ATF7IP: variants seen among roughly 807,000 people sequenced by gnomAD.
The protein encoded by ATF7IP is activating transcription factor 7 interacting protein.
Under a neutral mutation model 106.4 loss-of-function variants are expected in ATF7IP, and 23 were observed. That is an observed-to-expected ratio of 0.22 (90% CI 0.16 to 0.31). ATF7IP has a LOEUF of 0.31. ATF7IP is among the 10% of genes least tolerant of loss of function. ATF7IP has a pLI of 1.00. For synonymous variants in ATF7IP, 542 were observed against 539.0 expected (o/e 1.01, Z -0.08); for missense variants, 1,334 against 1,524.3 (o/e 0.88, Z 2.08).
At position 14,460,822 on chromosome 12, in the gene ATF7IP, C is replaced by A. The variant is rs1943608046; in HGVS notation, c.2486C>A (p.Thr829Asn). The change falls in exon 9 of 15, where the codon ACC (threonine) becomes AAC (asparagine). Residue 829 changes from threonine (T) to asparagine (N), a missense_variant. Transcript: ENST00000261168. ...VQSPPTVSGL[T>N]KNPVSLPSLP... ...AGCCCACCTACAGTGAGTGGTCTTA[C>A]CAAAAATCCAGTATCCTTGCCATCC... The A allele has an allele frequency of 1.9e-6, 3 of 1,614,038 alleles. No individual in the cohort carries two copies. The highest frequency in any genetic ancestry group is 2.5e-6 in the Non-Finnish European group (3 of 1,180,014).
chr12:14,447,903 C>A (rs879866601), intron 6 of ATF7IP, among the ~76,000 whole-genome samples: 1 of 152,090 alleles, frequency 6.6e-6, no homozygotes, highest in Non-Finnish European at 1.5e-5. Context: ...AAATTGACTT[C>A]CATAGTCTGG....
At position 14,501,994 on chromosome 12, in the gene ATF7IP, C is replaced by T. The variant is rs145526321; in HGVS notation, c.*3921C>T. The T allele has an allele frequency of 6.6e-6, 1 of 152,290 alleles. No homozygotes were observed. The highest frequency in any genetic ancestry group is 1.9e-4 in the East Asian group (1 of 5,194). 9.4% of individuals were successfully genotyped at this position (152,290 alleles called of 1,614,324 possible). ...ATGCCTGTGGTATCCTCATCTCTCA[C>T]TTTTTTACTCTGTGATTTTAGCACA... On this transcript the variant is annotated 3_prime_UTR_variant, in exon 15 of 15. Coordinates refer to ENST00000261168, the MANE Select transcript of ATF7IP (RefSeq NM_018179.5).
At chr12:14,378,776 A>T (rs1038661479) in intron 1 of ATF7IP, among the ~76,000 whole-genome samples, 2 of 152,206 alleles carry the variant, frequency 1.3e-5, no homozygotes, top group Non-Finnish European at 2.9e-5. Flanking sequence ...TCATGATGTC[A>T]ACTTTATACC....
chr12:14,471,242 AT>A (rs1944032369), intron 10 of ATF7IP, among the ~76,000 whole-genome samples: 1 of 152,334 alleles, frequency 6.6e-6, no homozygotes, highest in African/African-American at 2.4e-5. Flanking sequence ...ACTTGAAAAG[AT>A]TATGCTGCTA....
chr12:14,373,440 A>G (rs566150543), intron 1 of ATF7IP, among the ~76,000 whole-genome samples: 1 of 152,342 alleles, frequency 6.6e-6, no homozygotes, highest in South Asian at 2.1e-4. Flanking sequence ...CAAGGAAGAA[A>G]GAACAATGGG....
intron 1 of ATF7IP, chr12:14,416,987 G>C (rs1396714061): frequency 1.0e-6 from 1 of 979,818 alleles, no homozygotes; most frequent in East Asian, 1.1e-4. Context: ...TGTAAGGAAG[G>C]GGGGAAATGA....
At chr12:14,419,002 T>C (rs1378208927) in intron 1 of ATF7IP, 4 of 152,200 alleles carry the variant, frequency 2.6e-5, no homozygotes, top group South Asian at 2.1e-4. Flanking sequence ...TTAGACTCTT[T>C]AGTTTATTCC....
chr12:14,381,285 G>C (rs1185445454), intron 1 of ATF7IP, among the ~76,000 whole-genome samples: 1 of 152,180 alleles, frequency 6.6e-6, no homozygotes, highest in Non-Finnish European at 1.5e-5. Flanking sequence ...AGGCTGGAGT[G>C]TAGTAGCTCG....
intron 6 of ATF7IP, among the ~76,000 whole-genome samples, chr12:14,453,009 C>A (rs1197706660): frequency 6.6e-6 from 1 of 152,056 alleles, no homozygotes; most frequent in East Asian, 1.9e-4. Context: ...TTTGATTCAG[C>A]CCTTTGATAA....
intron 1 of ATF7IP, among the ~76,000 whole-genome samples, chr12:14,373,423 C>G (rs947650162): frequency 1.3e-5 from 2 of 152,132 alleles, no homozygotes; most frequent in Non-Finnish European, 1.5e-5. Flanking sequence ...GTTTTACTAG[C>G]TAGAGGCAAG....
intron 1 of ATF7IP, among the ~76,000 whole-genome samples, chr12:14,392,514 CAG>C (rs2136438682): frequency 6.6e-6 from 1 of 152,308 alleles, no homozygotes; most frequent in South Asian, 2.1e-4. Flanking sequence ...ACAAATGTAA[CAG>C]TTATTTATTA....
chr12:14,380,612 T>G (rs76272887), intron 1 of ATF7IP, among the ~76,000 whole-genome samples: 1,655 of 152,276 alleles, frequency 0.011, 33 homozygotes, highest in African/African-American at 0.038. Context: ...TATAGTACTT[T>G]CAGGTTTTGT....
At chr12:14,439,851 C>T (rs1046201297) in intron 5 of ATF7IP, among the ~76,000 whole-genome samples, 1 of 124,170 alleles carries the variant, frequency 8.1e-6, no homozygotes, top group East Asian at 2.0e-4. Context: ...ATCCATCCAT[C>T]CATCCATCCA....
chr12:14,478,188 TA>T, intron 11 of ATF7IP, 128 bp from the exon 12 acceptor site: 2 of 821,562 alleles, frequency 2.4e-6, no homozygotes, highest in Non-Finnish European at 3.8e-6. Context: ...AAAATGGAAA[TA>T]AATTATTCTC....
chr12:14,457,284 C>A lies in ATF7IP; in HGVS notation c.2147C>A (p.Pro716His). The A allele has an allele frequency of 6.2e-7, 1 of 1,607,790 alleles. No homozygotes were observed. Among genetic ancestry groups the A allele is most frequent in the South Asian group, 1.1e-5 (1 of 89,320 alleles). ...SESAPPSFQT[P>H]VNTVSSTNLV... ...AGTGCACCACCATCCTTTCAAACTC[C>A]TGTGAATACAGGTAACTTTTTTTTT... Residue 716 changes from proline (P) to histidine (H), a missense_variant, in exon 8 of 15, where the codon CCT becomes CAT. This residue lies in a region of ATF7IP where 171 missense variants were observed against 172.6 expected (regional missense o/e 0.99). Coordinates refer to ENST00000261168, the MANE Select transcript of ATF7IP (RefSeq NM_018179.5).
At chr12:14,374,189 C>T (rs1204802743) in intron 1 of ATF7IP, among the ~76,000 whole-genome samples, 10 of 151,298 alleles carry the variant, frequency 6.6e-5, no homozygotes, top group African/African-American at 2.4e-4. Context: ...CCTTGACCTC[C>T]TGGGCTCAAG....
At chr12:14,376,186 G>A (rs1938730790) in intron 1 of ATF7IP, among the ~76,000 whole-genome samples, 2 of 152,182 alleles carry the variant, frequency 1.3e-5, no homozygotes, top group African/African-American at 4.8e-5. Context: ...TTCATCATTG[G>A]CAAAGTTAGG....
intron 6 of ATF7IP, among the ~76,000 whole-genome samples, chr12:14,454,265 G>C (rs1379099901): frequency 1.3e-5 from 2 of 152,058 alleles, no homozygotes; most frequent in African/African-American, 2.4e-5. Context: ...TCTGGTACCT[G>C]TCTTTGCTAT....
intron 13 of ATF7IP, among the ~76,000 whole-genome samples, chr12:14,483,515 G>A (rs540734567): frequency 2.3e-4 from 35 of 151,992 alleles, no homozygotes; most frequent in Non-Finnish European, 4.7e-4. Flanking sequence ...TGGTGGGAGC[G>A]TTCCTCCCTC....
Sources: gnomAD v4.1 joint callset for allele counts (sites outside exome capture counted in the v4.1 genomes callset) on GRCh38, gnomAD v4.1.1 for gene constraint, gnomAD v4.1.1 regional missense constraint, MANE v1.5 for transcripts, NCBI Gene and HGNC (gene_info 2026-07-23, HGNC 2026-07-21) for gene names.